EPB41L2: variants seen among roughly 807,000 people sequenced by gnomAD.
The protein encoded by EPB41L2 is erythrocyte membrane protein band 4.1 like 2, also known as band 4.1-like protein 2.
EPB41L2 carries 43 observed loss-of-function variants against 113.0 expected under a neutral mutation model. The observed-to-expected ratio is 0.38, with a 90% confidence interval of 0.30 to 0.49. EPB41L2 has a LOEUF of 0.49. Ranked by LOEUF, EPB41L2 falls within the 20% of genes least tolerant of loss-of-function variation. The pLI is 0.95. For missense variants in EPB41L2, 1,147 were observed against 1,223.4 expected, an observed-to-expected ratio of 0.94 and a Z score of 0.93; for synonymous variants, 442 against 436.7, an observed-to-expected ratio of 1.01 and a Z score of -0.15.
chr6:131,050,988 C>T (rs1407667047), intron 1 of EPB41L2, among the ~76,000 whole-genome samples: 2 of 152,126 alleles, frequency 1.3e-5, no homozygotes, highest in Non-Finnish European at 2.9e-5. Context: ...GCTGTCACCT[C>T]TGATACATAA....
At chr6:130,994,211 T>C (rs1232445011) in intron 1 of EPB41L2, among the ~76,000 whole-genome samples, 6 of 152,132 alleles carry the variant, frequency 3.9e-5, no homozygotes, top group Admixed American at 3.9e-4. Flanking sequence ...GTAGCCCCTT[T>C]TCCAAGATGA....
chr6:130,899,672 G>A (rs1480504439), intron 7 of EPB41L2, 94 bp from the exon 8 acceptor site: 4 of 1,190,394 alleles, frequency 3.4e-6, no homozygotes, highest in Non-Finnish European at 4.9e-6. Context: ...GGGTTTGGAG[G>A]AGAGAAAGTT....
At chr6:131,018,441 C>T (rs967200187) in intron 1 of EPB41L2, among the ~76,000 whole-genome samples, 5 of 152,068 alleles carry the variant, frequency 3.3e-5, no homozygotes, top group Middle Eastern at 3.4e-3. Context: ...GGGGAACAGG[C>T]GAGGTAGGCA....
intron 1 of EPB41L2, among the ~76,000 whole-genome samples, chr6:131,004,024 C>T (rs1226164745): frequency 6.6e-6 from 1 of 152,178 alleles, no homozygotes; most frequent in Admixed American, 6.5e-5. Context: ...TAGAACATAG[C>T]ATCAAATATT....
intron 1 of EPB41L2, among the ~76,000 whole-genome samples, chr6:131,049,071 G>A (rs900503591): frequency 8.5e-5 from 13 of 152,196 alleles, no homozygotes; most frequent in Non-Finnish European, 1.6e-4. Context: ...CAATTGGTAG[G>A]AGCCACATCT....
intron 4 of EPB41L2, among the ~76,000 whole-genome samples, chr6:130,910,696 A>T (rs1397737566): frequency 6.6e-6 from 1 of 152,206 alleles, no homozygotes; most frequent in African/African-American, 2.4e-5. Context: ...AAATAACTCC[A>T]TCAAAAAGTG....
At chr6:130,954,371 A>AATTT (rs1213130359) in intron 3 of EPB41L2, among the ~76,000 whole-genome samples, 1 of 152,096 alleles carries the variant, frequency 6.6e-6, no homozygotes, top group Non-Finnish European at 1.5e-5. Flanking sequence ...TTGGGCAAGG[A>AATTT]ATTTAACTTC....
intron 1 of EPB41L2, among the ~76,000 whole-genome samples, chr6:131,023,768 T>TAG (rs1562754268): frequency 3.0e-5 from 4 of 132,426 alleles, no homozygotes; most frequent in African/African-American, 7.7e-5. Context: ...TATATAGATA[T>TAG]ATAGATATAT....
At chr6:130,875,302 C>A (rs572766378) in intron 14 of EPB41L2, among the ~76,000 whole-genome samples, 2 of 152,294 alleles carry the variant, frequency 1.3e-5, no homozygotes, top group East Asian at 3.9e-4. Flanking sequence ...GCCAGGGGGA[C>A]TTCTGTCAGA....
chr6:130,969,048 A>G (rs1419917865), intron 1 of EPB41L2, among the ~76,000 whole-genome samples: 1 of 152,182 alleles, frequency 6.6e-6, no homozygotes, highest in African/African-American at 2.4e-5. Context: ...CTGCTATGAT[A>G]CTAAACTATA....
chr6:130,957,140 A>G (rs1817699652), intron 1 of EPB41L2, among the ~76,000 whole-genome samples: 1 of 152,192 alleles, frequency 6.6e-6, no homozygotes, highest in African/African-American at 2.4e-5. Context: ...CTCAAATTCT[A>G]ATCAAAACTC....
intron 12 of EPB41L2, among the ~76,000 whole-genome samples, chr6:130,884,463 A>T (rs572774804): frequency 6.6e-6 from 1 of 152,258 alleles, no homozygotes; most frequent in Non-Finnish European, 1.5e-5. Flanking sequence ...CAGAAAAGAG[A>T]TCTGAAGAAT....
At chr6:130,924,759 A>G (rs1023052629) in intron 4 of EPB41L2, among the ~76,000 whole-genome samples, 13 of 152,188 alleles carry the variant, frequency 8.5e-5, no homozygotes, top group African/African-American at 2.7e-4. Flanking sequence ...TCCTACCCAT[A>G]GTACACAGCA....
chr6:130,947,114 C>T (rs1447875268), intron 3 of EPB41L2, among the ~76,000 whole-genome samples: 1 of 150,154 alleles, frequency 6.7e-6, no homozygotes, highest in African/African-American at 2.5e-5. Context: ...TCCTGTATAC[C>T]AATGACTTTA....
chr6:130,927,126 C>T (rs554154780), intron 3 of EPB41L2, among the ~76,000 whole-genome samples: 1 of 152,256 alleles, frequency 6.6e-6, no homozygotes, highest in East Asian at 1.9e-4. Context: ...ATAATTTATC[C>T]TATCAACACT....
chr6:130,870,083 G>A lies in EPB41L2; in HGVS notation c.2087C>T (p.Ala696Val). The change falls in exon 15 of 20, where the codon GCA becomes GTA. Residue 696 changes from alanine (A) to valine (V), a missense_variant. Coordinates refer to ENST00000337057, the MANE Select transcript of EPB41L2 (RefSeq NM_001431.4). ...TACTCTTTCGTCTTTCCCAACCTCT[G>A]CCCGCTTCTTCTCCTCCACTATATT... ...TLNIVEEKKR[A>V]EVGKDERVIT... 1 of 1,613,586 alleles carries A rather than the reference G, an allele frequency of 6.2e-7. No individual in the cohort carries two copies. Among genetic ancestry groups the A allele is most frequent in the Non-Finnish European group, 8.5e-7 (1 of 1,179,818 alleles).
intron 3 of EPB41L2, among the ~76,000 whole-genome samples, chr6:130,937,630 C>T (rs1025270710): frequency 4.6e-5 from 7 of 152,134 alleles, no homozygotes; most frequent in African/African-American, 1.7e-4. Context: ...ACCAGCCTGG[C>T]CAAGATGGTG....
intron 14 of EPB41L2, among the ~76,000 whole-genome samples, chr6:130,871,649 T>C (rs2183967): frequency 0.32 from 49,225 of 152,078 alleles, 8,742 homozygotes; most frequent in East Asian, 0.46. Flanking sequence ...CATGGTTTCA[T>C]TGACCCAAAT....
chr6:130,984,838 G>C (rs1332364607), intron 1 of EPB41L2, among the ~76,000 whole-genome samples: 1 of 152,102 alleles, frequency 6.6e-6, no homozygotes, highest in African/African-American at 2.4e-5. Context: ...ACGGGCTTGG[G>C]ACCAAGAGAT....
Sources: gnomAD v4.1 joint callset for allele counts (sites outside exome capture counted in the v4.1 genomes callset) on GRCh38, gnomAD v4.1.1 for gene constraint, MANE v1.5 for transcripts, NCBI Gene and HGNC (gene_info 2026-07-23, HGNC 2026-07-21) for gene names.